Variants in NRG3 observed in about 807,000 individuals in gnomAD.
NRG3 encodes pro-neuregulin-3, membrane-bound isoform.
NRG3 carries 31 observed loss-of-function variants against 66.9 expected under a neutral mutation model. That is an observed-to-expected ratio of 0.46 (90% CI 0.35 to 0.63). NRG3 has a LOEUF of 0.63. Ranked by LOEUF, NRG3 falls within the 20% of genes least tolerant of loss-of-function variation. The probability of loss-of-function intolerance (pLI) is 0.00; values close to 1 mark genes in which losing one functional copy is unlikely to be tolerated. For synonymous variants in NRG3, 393 were observed against 359.4 expected, an observed-to-expected ratio of 1.09 and a Z score of -1.06; for missense variants, 910 against 878.9, an observed-to-expected ratio of 1.04 and a Z score of -0.45.
intron 1 of NRG3, among the ~76,000 whole-genome samples, chr10:82,153,992 A>G (rs1020019824): frequency 3.3e-5 from 5 of 151,980 alleles, no homozygotes; most frequent in African/African-American, 1.2e-4. Flanking sequence ...TGGTTTGCCT[A>G]TATTTTCTCC....
intron 2 of NRG3, among the ~76,000 whole-genome samples, chr10:82,601,548 G>T (rs943674343): frequency 1.3e-5 from 2 of 151,782 alleles, no homozygotes; most frequent in African/African-American, 2.4e-5. Context: ...CAAAAGCTTT[G>T]CCATCTTACC....
intron 2 of NRG3, among the ~76,000 whole-genome samples, chr10:82,464,239 T>C (rs897183869): frequency 6.6e-6 from 1 of 152,264 alleles, no homozygotes; most frequent in Admixed American, 6.5e-5. Context: ...AGCAAAAATA[T>C]GAAGACTTAG....
At chr10:82,591,503 C>A (rs772488834) in intron 2 of NRG3, among the ~76,000 whole-genome samples, 3 of 152,170 alleles carry the variant, frequency 2.0e-5, no homozygotes, top group Non-Finnish European at 2.9e-5. Context: ...TTGTGGTGAG[C>A]AATTCTAATA....
chr10:82,930,832 C>T (rs1847499553), intron 4 of NRG3, among the ~76,000 whole-genome samples: 1 of 152,090 alleles, frequency 6.6e-6, no homozygotes, highest in Non-Finnish European at 1.5e-5. Context: ...ATCTATGGGA[C>T]TCGTGGTGGG....
rs528635335 is a variant in NRG3 at position 82,867,946 on chromosome 10, T to C, written c.1054+2509T>C. 2.0e-5 allele frequency among the ~76,000 whole-genome samples: 3 copies of C among 152,318 alleles called. No homozygotes were observed. The East Asian group carries it at 5.8e-4, about 29-fold the overall frequency. ...ATCAGTACTCATTTTGAATAAAATGTGCCCTGGGCCGCTTGTCCAAGAGCA... is the reference window on the plus strand; with the variant it reads ...ATCAGTACTCATTTTGAATAAAATGCGCCCTGGGCCGCTTGTCCAAGAGCA... On this transcript the variant is annotated intron_variant, in intron 4 of 8. Transcript: ENST00000372141.
At chr10:82,812,095 A>G (rs1177932685) in intron 3 of NRG3, among the ~76,000 whole-genome samples, 1 of 152,192 alleles carries the variant, frequency 6.6e-6, no homozygotes, top group African/African-American at 2.4e-5. Context: ...TGGCTCTTCT[A>G]GACCAGGGTT....
At chr10:82,321,824 C>G (rs189707937) in intron 1 of NRG3, among the ~76,000 whole-genome samples, 1 of 152,150 alleles carries the variant, frequency 6.6e-6, no homozygotes, top group Admixed American at 6.5e-5. Flanking sequence ...ACCTTTTTCT[C>G]CCTCTAGTTA....
chr10:82,014,647 T>A (rs2061710497), intron 1 of NRG3, among the ~76,000 whole-genome samples: 1 of 152,150 alleles, frequency 6.6e-6, no homozygotes, highest in South Asian at 2.1e-4. Flanking sequence ...GGCATGATGT[T>A]GATGAACATT....
chr10:82,644,890 AACT>A (rs1157670662), intron 2 of NRG3, among the ~76,000 whole-genome samples: 2 of 152,148 alleles, frequency 1.3e-5, no homozygotes, highest in African/African-American at 4.8e-5. Flanking sequence ...CCATGGGTTC[AACT>A]ATTGAAGTTT....
At chr10:82,058,059 G>C (rs2063943074) in intron 1 of NRG3, among the ~76,000 whole-genome samples, 1 of 149,806 alleles carries the variant, frequency 6.7e-6, no homozygotes, top group Admixed American at 6.7e-5. Flanking sequence ...CCGATTATTT[G>C]ATATGTTATA....
chr10:82,474,999 A>T (rs1456778229), intron 2 of NRG3, among the ~76,000 whole-genome samples: 1 of 151,980 alleles, frequency 6.6e-6, no homozygotes, highest in African/African-American at 2.4e-5. Context: ...AAAAGGAAGA[A>T]AAAAAACTTA....
rs199971016 is a variant in NRG3 at position 81,980,201 on chromosome 10, A to AT, written c.823+104051dup. ...TCTTTGTACTTTGTAGGAGTTGGAG[A>AT]TTTTTTTTTTTTTGGTTGATCATGA... is the stretch of plus-strand genomic sequence containing the variant. On this transcript the variant is annotated intron_variant, in intron 1 of 8. Coordinates refer to ENST00000372141, the MANE Select transcript of NRG3 (RefSeq NM_001010848.4). Among the ~76,000 whole-genome samples the AT allele has an allele frequency of 9.7e-3, 1,414 of 145,400 alleles. 8 individuals are homozygous for AT. Among genetic ancestry groups the AT allele is most frequent in the Middle Eastern group, 0.026 (7 of 274 alleles).
At chr10:82,737,968 G>T (rs2058235921) in intron 2 of NRG3, among the ~76,000 whole-genome samples, 1 of 151,990 alleles carries the variant, frequency 6.6e-6, no homozygotes, top group Non-Finnish European at 1.5e-5. Context: ...GAAAAATAGA[G>T]AGAGAAAAAA....
chr10:82,911,038 A>T (rs1845270941), intron 4 of NRG3, among the ~76,000 whole-genome samples: 1 of 152,202 alleles, frequency 6.6e-6, no homozygotes, highest in Non-Finnish European at 1.5e-5. Flanking sequence ...TACAAAAATC[A>T]TTGTCATTCT....
intron 2 of NRG3, among the ~76,000 whole-genome samples, chr10:82,424,978 T>C (rs1174248818): frequency 6.6e-6 from 1 of 152,218 alleles, no homozygotes; most frequent in African/African-American, 2.4e-5. Context: ...GACTCTCAAA[T>C]CTATTCCATT....
chr10:82,318,500 G>A (rs1050005738), intron 1 of NRG3, among the ~76,000 whole-genome samples: 3 of 152,124 alleles, frequency 2.0e-5, no homozygotes, highest in Non-Finnish European at 4.4e-5. Flanking sequence ...ACTCAACAGG[G>A]CATGCAAGTT....
intron 1 of NRG3, among the ~76,000 whole-genome samples, chr10:81,969,890 A>G (rs892750598): frequency 6.6e-6 from 1 of 152,078 alleles, no homozygotes; most frequent in Non-Finnish European, 1.5e-5. Context: ...CTCTTCATAC[A>G]GATTTCATTC....
intron 3 of NRG3, among the ~76,000 whole-genome samples, chr10:82,785,103 G>A (rs1365267117): frequency 1.3e-5 from 2 of 149,000 alleles, no homozygotes; most frequent in East Asian, 2.0e-4. Flanking sequence ...CTATCGCAAG[G>A]ACAAAAAACC....
Position 82,254,738 on chromosome 10 carries a change from G to A in NRG3, c.824-104001G>A, listed in dbSNP as rs1252196303. ...CAAAGGGACACAGGAGCCAACAAAA[G>A]TATTTCAAATGGCCAAAGCTGAAAA... On this transcript the variant is annotated intron_variant, in intron 1 of 8. Coordinates refer to ENST00000372141, the MANE Select transcript of NRG3 (RefSeq NM_001010848.4). 4.6e-5 allele frequency among the ~76,000 whole-genome samples: 7 copies of A among 151,928 alleles called. No individual in the cohort carries two copies. The East Asian group carries it at 7.7e-4, about 17-fold the overall frequency.
Sources: gnomAD v4.1 joint callset for allele counts (sites outside exome capture counted in the v4.1 genomes callset) on GRCh38, gnomAD v4.1.1 for gene constraint, MANE v1.5 for transcripts, NCBI Gene and HGNC (gene_info 2026-07-23, HGNC 2026-07-21) for gene names.